PRDM16: variants seen among roughly 807,000 people sequenced by gnomAD.
PRDM16 encodes histone-lysine N-methyltransferase PRDM16.
In PRDM16, 23 loss-of-function variants were observed where a neutral mutation model predicts 110.6. That is an observed-to-expected ratio of 0.21 (90% CI 0.15 to 0.29). PRDM16 has a LOEUF of 0.29. Among genes scored for constraint, PRDM16 ranks in the 10% least tolerant of loss-of-function variants. The pLI is 1.00. For missense variants in PRDM16, 1,615 were observed against 1,794.3 expected (o/e 0.90, Z 1.81); for synonymous variants, 799 against 781.8 (o/e 1.02, Z -0.37).
At chr1:3,117,178 C>G (rs959135741) in intron 1 of PRDM16, among the ~76,000 whole-genome samples, 1 of 152,210 alleles carries the variant, frequency 6.6e-6, no homozygotes. Flanking sequence ...TCATTCATCT[C>G]TGGTTTCTTG....
intron 1 of PRDM16, among the ~76,000 whole-genome samples, chr1:3,131,188 A>C (rs1643328900): frequency 6.6e-6 from 1 of 151,894 alleles, no homozygotes; most frequent in Non-Finnish European, 1.5e-5. Flanking sequence ...CAAATACTTA[A>C]ACTCACAGAA....
intron 3 of PRDM16, among the ~76,000 whole-genome samples, chr1:3,312,697 T>TA (rs1362758988): frequency 6.6e-6 from 1 of 152,242 alleles, no homozygotes; most frequent in East Asian, 1.9e-4. Context: ...AATTGAAACT[T>TA]ACACAAATAC....
At chr1:3,397,498 G>A (rs572069824) in intron 5 of PRDM16, among the ~76,000 whole-genome samples, 163 of 152,360 alleles carry the variant, frequency 1.1e-3, no homozygotes, top group African/African-American at 3.8e-3. Flanking sequence ...TGGAACAGCC[G>A]GCCAGGAAAG....
At chr1:3,094,909 G>C (rs1015619254) in intron 1 of PRDM16, among the ~76,000 whole-genome samples, 1 of 152,190 alleles carries the variant, frequency 6.6e-6, no homozygotes, top group Non-Finnish European at 1.5e-5. Flanking sequence ...CTTTTCCGAC[G>C]TGGATGGAGC....
intron 11 of PRDM16, 143 bp downstream of exon 11, chr1:3,418,140 G>A: frequency 2.8e-6 from 2 of 720,390 alleles, no homozygotes; most frequent in Non-Finnish European, 2.3e-6. Flanking sequence ...TTATCTGCTT[G>A]AGGTCATGCT....
At position 3,412,018 on chromosome 1, in the gene PRDM16, C is replaced by T; in HGVS notation, c.1821C>T (p.Val607=). The change falls in exon 9 of 17, where the codon GTC becomes GTT. Residue 607 remains valine (V), a synonymous_variant. Transcript: ENST00000270722. ...CGGACGGCAGTGACTTTGAGGACGTCAACACCACCACGGGGACCGACCTGG... is the reference window on the plus strand; with the variant it reads ...CGGACGGCAGTGACTTTGAGGACGTTAACACCACCACGGGGACCGACCTGG... ...DMSDGSDFED[V]NTTTGTDLDT... 1 of 1,613,532 alleles carries T rather than the reference C, an allele frequency of 6.2e-7. No homozygotes were observed. The highest frequency in any genetic ancestry group is 8.5e-7 in the Non-Finnish European group (1 of 1,179,918).
intron 4 of PRDM16, chr1:3,394,433 C>T (rs1283321091): frequency 7.6e-6 from 3 of 395,602 alleles, no homozygotes; most frequent in Non-Finnish European, 1.5e-5. Context: ...GCAGGGAGTG[C>T]GGGAGGATGC....
rs1403769234 is a variant in PRDM16 at position 3,255,355 on chromosome 1, C to G, written c.438+11218C>G. On this transcript the variant is annotated intron_variant, in intron 3 of 16. Coordinates refer to ENST00000270722, the MANE Select transcript of PRDM16 (RefSeq NM_022114.4). This position sits in a 1 kb window ranked among gnomAD's most constrained non-coding sequence, Gnocchi z 4.7. ...CAGCCTGCAGACCCCACAGTGGGGT[C>G]CTGAGGGTCGCGTGCAGCACACAGC... 6.6e-6 allele frequency among the ~76,000 whole-genome samples: 1 copy of G among 152,182 alleles called. No individual in the cohort carries two copies. Among genetic ancestry groups the G allele is most frequent in the Admixed American group, 6.5e-5 (1 of 15,282 alleles).
chr1:3,404,906 C>G lies in PRDM16; in HGVS notation c.1032+20C>G. The G allele has an allele frequency of 6.2e-7, 1 of 1,609,998 alleles. No individual in the cohort carries two copies. Reference sequence around the variant, plus strand: ...GTGAAGGTAACCTGCGGGGCGGCCCCGTCTCAGCCCCGGGGCAGCAGGAGG... The same window carrying G: ...GTGAAGGTAACCTGCGGGGCGGCCCGGTCTCAGCCCCGGGGCAGCAGGAGG... On this transcript the variant is annotated intron_variant, in intron 7 of 16. Transcript: ENST00000270722.
intron 4 of PRDM16, among the ~76,000 whole-genome samples, chr1:3,392,990 T>G (rs772339860): frequency 1.3e-5 from 2 of 152,232 alleles, no homozygotes; most frequent in African/African-American, 2.4e-5. Flanking sequence ...AGTCAAGTCA[T>G]TGTTGTTACA....
At chr1:3,174,852 C>T (rs998298634) in intron 1 of PRDM16, among the ~76,000 whole-genome samples, 8 of 152,200 alleles carry the variant, frequency 5.3e-5, no homozygotes, top group Admixed American at 1.3e-4. Context: ...GGCCAGGTCC[C>T]GGGTGCAGGT....
At chr1:3,408,526 G>C (rs1296054461) in intron 8 of PRDM16, among the ~76,000 whole-genome samples, 1 of 151,000 alleles carries the variant, frequency 6.6e-6, no homozygotes, top group East Asian at 1.9e-4. Context: ...GTGTGTGTGT[G>C]AGAGCGTGTG....
chr1:3,241,398 G>A (rs1379872457), intron 2 of PRDM16, among the ~76,000 whole-genome samples: 2 of 152,218 alleles, frequency 1.3e-5, no homozygotes, highest in Non-Finnish European at 2.9e-5. Flanking sequence ...CCCAGGCCCC[G>A]TGCCCAGAGG....
chr1:3,189,783 G>A (rs913281929), intron 2 of PRDM16, among the ~76,000 whole-genome samples: 1 of 152,308 alleles, frequency 6.6e-6, no homozygotes, highest in Non-Finnish European at 1.5e-5. Context: ...TGGGAGTGGC[G>A]TGAGCAAAGG....
chr1:3,423,320 G>A (rs1233352928), intron 12 of PRDM16, among the ~76,000 whole-genome samples: 1 of 152,214 alleles, frequency 6.6e-6, no homozygotes, highest in Non-Finnish European at 1.5e-5. Context: ...GCCCCTGCAC[G>A]TGGGGAATGC....
chr1:3,212,147 C>T (rs751337048), intron 2 of PRDM16, among the ~76,000 whole-genome samples: 1 of 152,154 alleles, frequency 6.6e-6, no homozygotes, highest in Non-Finnish European at 1.5e-5. Flanking sequence ...CTGCGCGGCG[C>T]GGGCCTCCAT....
intron 1 of PRDM16, among the ~76,000 whole-genome samples, chr1:3,106,943 G>A (rs989659437): frequency 3.3e-5 from 5 of 152,224 alleles, no homozygotes; most frequent in Non-Finnish European, 7.3e-5. Context: ...CCACCCAGAC[G>A]ACCAGAAGGA....
Position 3,350,275 on chromosome 1 carries a change from G to A in PRDM16, c.439-34877G>A, listed in dbSNP as rs1480831891. Among the ~76,000 whole-genome samples, 1 of 152,208 alleles carries A rather than the reference G, an allele frequency of 6.6e-6. No homozygotes were observed. Among genetic ancestry groups the A allele is most frequent in the Admixed American group, 6.5e-5 (1 of 15,278 alleles). Reference sequence around the variant, plus strand: ...CAGGAGGTCCGGGCTACAGAGAGCTGTGATCACACCACTATACTCCAGCCT... The same window carrying A: ...CAGGAGGTCCGGGCTACAGAGAGCTATGATCACACCACTATACTCCAGCCT... On this transcript the variant is annotated intron_variant, in intron 3 of 16. Coordinates refer to ENST00000270722, the MANE Select transcript of PRDM16 (RefSeq NM_022114.4). The surrounding 1 kb of genome is among the most constrained non-coding windows in gnomAD (Gnocchi z 7.1).
intron 1 of PRDM16, among the ~76,000 whole-genome samples, chr1:3,183,932 C>T (rs1644239001): frequency 2.0e-5 from 3 of 152,274 alleles, no homozygotes; most frequent in Admixed American, 6.5e-5. Flanking sequence ...GGCCTCCAAC[C>T]CGACTTTGTT....
Sources: gnomAD v4.1 joint callset for allele counts (sites outside exome capture counted in the v4.1 genomes callset) on GRCh38, gnomAD v4.1.1 for gene constraint, Gnocchi (gnomAD v3.1) non-coding constraint, MANE v1.5 for transcripts, NCBI Gene and HGNC (gene_info 2026-07-23, HGNC 2026-07-21) for gene names.